Variants in RHBDL3 observed in about 807,000 individuals in gnomAD.
RHBDL3 encodes rhomboid-related protein 3.
Under a neutral mutation model 48.2 loss-of-function variants are expected in RHBDL3, and 28 were observed. The ratio of observed to expected loss-of-function variants is 0.58; its 90% CI spans 0.43 to 0.80. The LOEUF (loss-of-function observed/expected upper bound fraction) is 0.80. Ranked by LOEUF, RHBDL3 falls within the 30% of genes least tolerant of loss-of-function variation. The pLI, the probability that RHBDL3 is intolerant of heterozygous loss-of-function variation, is 0.00. For synonymous variants in RHBDL3, 208 were observed against 232.3 expected (o/e 0.90, Z 0.95); for missense variants, 464 against 542.7 (o/e 0.85, Z 1.44).
chr17:32,316,143 CT>C, intron 7 of RHBDL3, 88 bp from the exon 8 acceptor site: 2 of 915,614 alleles, frequency 2.2e-6, no homozygotes, highest in Non-Finnish European at 3.6e-6. Flanking sequence ...CACGGAGATC[CT>C]TATTTTAATG....
intron 2 of RHBDL3, among the ~76,000 whole-genome samples, chr17:32,281,189 C>T (rs1428309521): frequency 6.6e-6 from 1 of 152,118 alleles, no homozygotes. Flanking sequence ...ATGCTTGGGG[C>T]AGGGCAGGCA....
At chr17:32,295,711 C>T (rs1403440252) in intron 5 of RHBDL3, among the ~76,000 whole-genome samples, 3 of 152,244 alleles carry the variant, frequency 2.0e-5, no homozygotes, top group Admixed American at 1.3e-4. Flanking sequence ...GAGCTGAGGG[C>T]ATCTGAGCCC....
chr17:32,293,086 C>G (rs766214812), intron 4 of RHBDL3, among the ~76,000 whole-genome samples: 3 of 145,898 alleles, frequency 2.1e-5, no homozygotes, highest in Non-Finnish European at 4.4e-5. Flanking sequence ...AAGACAAATA[C>G]TGTATGATTC....
intron 8 of RHBDL3, among the ~76,000 whole-genome samples, chr17:32,317,844 G>A (rs1167082970): frequency 6.6e-6 from 1 of 152,106 alleles, no homozygotes; most frequent in African/African-American, 2.4e-5. Context: ...TGGGGACAAG[G>A]GGGATAAGAC....
intron 5 of RHBDL3, among the ~76,000 whole-genome samples, chr17:32,296,183 A>G (rs2040441404): frequency 6.8e-6 from 1 of 147,114 alleles, no homozygotes; most frequent in Admixed American, 6.9e-5. Context: ...AGCCGAGATC[A>G]CACCACCGCA....
At chr17:32,296,534 C>G (rs1376526627) in intron 5 of RHBDL3, among the ~76,000 whole-genome samples, 1 of 151,328 alleles carries the variant, frequency 6.6e-6, no homozygotes, top group Non-Finnish European at 1.5e-5. Context: ...TAGGGTTTCA[C>G]CATATTGGCC....
intron 2 of RHBDL3, among the ~76,000 whole-genome samples, chr17:32,282,125 A>G (rs1337570540): frequency 2.0e-5 from 3 of 152,242 alleles, no homozygotes; most frequent in Non-Finnish European, 4.4e-5. Flanking sequence ...GAAAACACTC[A>G]GCAAATATTA....
chr17:32,318,764 G>C (rs1450517745), intron 8 of RHBDL3, among the ~76,000 whole-genome samples: 3 of 152,148 alleles, frequency 2.0e-5, no homozygotes, highest in African/African-American at 4.8e-5. Context: ...GACTGAGTCT[G>C]AACAAACCTG....
At chr17:32,305,648 C>T (rs1474391983) in intron 7 of RHBDL3, among the ~76,000 whole-genome samples, 1 of 152,206 alleles carries the variant, frequency 6.6e-6, no homozygotes, top group Non-Finnish European at 1.5e-5. Context: ...CACGGCTTGG[C>T]CTAGGACCAT....
At chr17:32,268,992 A>G (rs1316390666) in intron 2 of RHBDL3, among the ~76,000 whole-genome samples, 1 of 152,132 alleles carries the variant, frequency 6.6e-6, no homozygotes, top group Non-Finnish European at 1.5e-5. Context: ...GAAGATCTTA[A>G]TAGACCGTAG....
intron 2 of RHBDL3, among the ~76,000 whole-genome samples, chr17:32,280,150 C>A (rs922879564): frequency 3.3e-5 from 5 of 152,318 alleles, no homozygotes; most frequent in Middle Eastern, 3.4e-3. Flanking sequence ...AGGCACTGAG[C>A]CCTATTCAGG....
At position 32,287,271 on chromosome 17, in the gene RHBDL3, G is replaced by T. The variant is rs115409757; in HGVS notation, c.295-1521G>T. On this transcript the variant is annotated intron_variant, in intron 3 of 8. Transcript: ENST00000269051. ...GGGTGCTGTGCACTCCCCTGTGCAG[G>T]TGCATCCTCAGGGACTGGGAGAGAG... is the stretch of plus-strand genomic sequence containing the variant. 1.7e-3 allele frequency among the ~76,000 whole-genome samples: 261 copies of T among 152,262 alleles called. 2 individuals are homozygous for T. The highest frequency in any genetic ancestry group is 6.0e-3 in the African/African-American group (250 of 41,562).
At chr17:32,281,497 C>A (rs934426673) in intron 2 of RHBDL3, among the ~76,000 whole-genome samples, 1 of 152,010 alleles carries the variant, frequency 6.6e-6, no homozygotes, top group Non-Finnish European at 1.5e-5. Flanking sequence ...GCAGCCCCCA[C>A]TGGGGGGCTC....
At position 32,321,230 on chromosome 17, in the gene RHBDL3, G is replaced by T; in HGVS notation, c.*1G>T. On this transcript the variant is annotated 3_prime_UTR_variant, in exon 9 of 9. Coordinates refer to ENST00000269051, the MANE Select transcript of RHBDL3 (RefSeq NM_138328.3). Reference sequence around the variant, plus strand: ...CTTAAAGCTGCCGCCTCCCCCCTGAGGGCTGGAGGCCCAAGGTCGGGGAGG... The same window carrying T: ...CTTAAAGCTGCCGCCTCCCCCCTGATGGCTGGAGGCCCAAGGTCGGGGAGG... 6.2e-7 allele frequency: 1 copy of T among 1,614,228 alleles called. No homozygotes were observed. Among genetic ancestry groups the T allele is most frequent in the Non-Finnish European group, 8.5e-7 (1 of 1,180,042 alleles).
At chr17:32,275,020 T>C (rs1019420589) in intron 2 of RHBDL3, among the ~76,000 whole-genome samples, 3 of 152,130 alleles carry the variant, frequency 2.0e-5, no homozygotes, top group Non-Finnish European at 4.4e-5. Context: ...CCGCTCTGCA[T>C]CTTGCTCCCC....
intron 2 of RHBDL3, among the ~76,000 whole-genome samples, chr17:32,271,471 CT>C (rs1325190952): frequency 6.6e-6 from 1 of 152,132 alleles, no homozygotes; most frequent in Admixed American, 6.5e-5. Context: ...CTTTGATAGT[CT>C]TATTCTCAGT....
At chr17:32,319,406 A>T (rs1462593873) in intron 8 of RHBDL3, among the ~76,000 whole-genome samples, 1 of 132,528 alleles carries the variant, frequency 7.5e-6, no homozygotes, top group Non-Finnish European at 1.6e-5. Flanking sequence ...TGGGCAATAG[A>T]GCGAGATTCC....
At chr17:32,283,949 G>A (rs1315444207) in intron 2 of RHBDL3, among the ~76,000 whole-genome samples, 1 of 152,214 alleles carries the variant, frequency 6.6e-6, no homozygotes, top group Non-Finnish European at 1.5e-5. Context: ...GGGTGAGTCG[G>A]AGTCTTCCAG....
At chr17:32,292,801 C>CAAAAAAAAA (rs60403728) in intron 4 of RHBDL3, among the ~76,000 whole-genome samples, 1 of 77,264 alleles carries the variant, frequency 1.3e-5, no homozygotes, top group African/African-American at 5.0e-5. Context: ...GACTCCACCT[C>CAAAAAAAAA]AAAAAAAAAA....
Sources: gnomAD v4.1 joint callset for allele counts (sites outside exome capture counted in the v4.1 genomes callset) on GRCh38, gnomAD v4.1.1 for gene constraint, MANE v1.5 for transcripts, NCBI Gene and HGNC (gene_info 2026-07-23, HGNC 2026-07-21) for gene names.